Variants in KHNYN observed in about 807,000 individuals in gnomAD.
KHNYN encodes protein KHNYN.
Under a neutral mutation model 62.7 loss-of-function variants are expected in KHNYN, and 42 were observed. That is an observed-to-expected ratio of 0.67 (90% CI 0.52 to 0.87). The LOEUF is 0.87. Among genes scored for constraint, KHNYN ranks in the 40% least tolerant of loss-of-function variants. The probability of loss-of-function intolerance (pLI) is 0.00; values close to 1 mark genes in which losing one functional copy is unlikely to be tolerated. For missense variants in KHNYN, 829 were observed against 874.1 expected, an observed-to-expected ratio of 0.95 and a Z score of 0.65; for synonymous variants, 347 against 345.6, an observed-to-expected ratio of 1.00 and a Z score of -0.04.
Position 24,440,698 on chromosome 14 carries a change from G to A in KHNYN, c.*3413G>A. 2.0e-6 allele frequency: 3 copies of A among 1,516,910 alleles called. No homozygotes were observed. The highest frequency in any genetic ancestry group is 1.8e-6 in the Non-Finnish European group (2 of 1,110,550). The allele number at this position is 1,516,910 out of a possible 1,614,324, so 94.0% of individuals were successfully genotyped here. A position where few individuals can be genotyped will look rare whatever the true frequency, so the allele number is the denominator to read the frequency against. On this transcript the variant is annotated 3_prime_UTR_variant, in exon 8 of 8. Coordinates refer to ENST00000553935, the MANE Select transcript of KHNYN (RefSeq NM_015299.3). ...GGTGGCATCCTCTCACTCTGTAATT[G>A]TAATCTCAGCTCTCCTAATCCCATC...
In KHNYN at chr14:24,439,060, C is replaced by T. The variant is rs1956904; in HGVS notation, c.*1775C>T. 120,536 of 152,258 alleles carry T rather than the reference C, an allele frequency of 0.79. 49,921 individuals are homozygous for T. Among genetic ancestry groups the T allele is most frequent in the Non-Finnish European group, 0.9 (61,534 of 68,114 alleles). 9.4% of individuals were successfully genotyped at this position (152,258 alleles called of 1,614,324 possible). On this transcript the variant is annotated 3_prime_UTR_variant, in exon 8 of 8. Transcript: ENST00000553935. ...TGACAATGATTAAGAGATAACCCAG[C>T]GGTCCCTGAGAAGAGATTGGTTAGT...
At chr14:24,436,948 G>C in intron 7 of KHNYN, 88 bp from the exon 8 acceptor site, 1 of 1,508,768 alleles carries the variant, frequency 6.6e-7, no homozygotes, top group South Asian at 1.3e-5. Flanking sequence ...GCCAGGAATA[G>C]GCAGGACAAT....
At position 24,438,940 on chromosome 14, in the gene KHNYN, G is replaced by A. The variant is rs2043248780; in HGVS notation, c.*1655G>A. ...TGTAATGATGATGGGGAGGGTCCTT[G>A]TGTCCTCACCCCTTCCTTTTTGGTG... On this transcript the variant is annotated 3_prime_UTR_variant, in exon 8 of 8. Transcript: ENST00000553935. 6.6e-6 allele frequency: 1 copy of A among 152,200 alleles called. No individual in the cohort carries two copies. The highest frequency in any genetic ancestry group is 1.5e-5 in the Non-Finnish European group (1 of 68,072). 9.4% of individuals were successfully genotyped at this position (152,200 alleles called of 1,614,324 possible).
chr14:24,424,881 T>G (rs1424844072), upstream of KHNYN, among the ~76,000 whole-genome samples: 1 of 152,230 alleles, frequency 6.6e-6, no homozygotes, highest in African/African-American at 2.4e-5. Flanking sequence ...GTTGGACTTC[T>G]GACCCACAGA....
chr14:24,429,267 G>C, upstream of KHNYN: 1 of 705,192 alleles, frequency 1.4e-6, no homozygotes, highest in Non-Finnish European at 2.5e-6. Context: ...AGAGCATGCA[G>C]TGACAGCAGT....
upstream of KHNYN, chr14:24,427,993 A>G (rs779285675): frequency 1.9e-6 from 3 of 1,611,710 alleles, no homozygotes; most frequent in Non-Finnish European, 2.5e-6. The surrounding 1 kb of genome is among the most constrained non-coding windows in gnomAD (Gnocchi z 4.4). Flanking sequence ...TCACCTGGGG[A>G]GGGGAGCCCA....
chr14:24,429,758 G>A, upstream of KHNYN: 1 of 985,440 alleles, frequency 1.0e-6, no homozygotes, highest in African/African-American at 1.7e-5. Context: ...CGCAGAATGC[G>A]CGAGGACCCT....
upstream of KHNYN, among the ~76,000 whole-genome samples, chr14:24,426,287 C>A (rs1400992694): frequency 2.0e-5 from 3 of 152,136 alleles, no homozygotes; most frequent in African/African-American, 4.8e-5. Context: ...TGCTTTCTGT[C>A]ATCAACAACA....
At chr14:24,428,027 T>A (rs2043039094), upstream of KHNYN, 1 of 1,583,120 alleles carries the variant, frequency 6.3e-7, no homozygotes, top group African/African-American at 1.3e-5. Flanking sequence ...CCCCAGCCCT[T>A]AGCTCAGGAC....
At chr14:24,427,856 C>G, upstream of KHNYN, 2 of 1,614,114 alleles carry the variant, frequency 1.2e-6, no homozygotes, top group Non-Finnish European at 1.7e-6. The surrounding 1 kb of genome is among the most constrained non-coding windows in gnomAD (Gnocchi z 4.4). Context: ...ATTCCCCCGA[C>G]GCAGGCGCAG....
At chr14:24,429,134 C>T (rs989682311), upstream of KHNYN, 15 of 1,408,770 alleles carry the variant, frequency 1.1e-5, no homozygotes, top group African/African-American at 1.0e-4. Flanking sequence ...GGATTCTCAC[C>T]GCCGGCACCC....
At chr14:24,429,478 TTCC>T (rs1317253369), upstream of KHNYN, 2 of 469,262 alleles carry the variant, frequency 4.3e-6, no homozygotes, top group Non-Finnish European at 8.3e-6. Context: ...CCTCAACCCC[TTCC>T]TCCTACTCTT....
upstream of KHNYN, among the ~76,000 whole-genome samples, chr14:24,424,865 C>T (rs1304816729): frequency 6.6e-6 from 1 of 152,172 alleles, no homozygotes; most frequent in South Asian, 2.1e-4. Context: ...AAGCCAGTCA[C>T]GTTTTGTTGG....
At position 24,441,196 on chromosome 14, in the gene KHNYN, G is replaced by A; in HGVS notation, c.*3911G>A. 1.8e-6 allele frequency: 1 copy of A among 541,948 alleles called. No individual in the cohort carries two copies. Among genetic ancestry groups the A allele is most frequent in the Non-Finnish European group, 3.3e-6 (1 of 303,330 alleles). 33.6% of individuals were successfully genotyped at this position (541,948 alleles called of 1,614,324 possible). On this transcript the variant is annotated 3_prime_UTR_variant, in exon 8 of 8. Coordinates refer to ENST00000553935, the MANE Select transcript of KHNYN (RefSeq NM_015299.3). ...GTACCAGGCGCCTGAATTTTAATCA[G>A]CTCCCTCATTTATTAACTCTCTGAC...
chr14:24,430,101 G>A lies in KHNYN; in HGVS notation c.-36G>A, dbSNP rs1408655385. 3.0e-6 allele frequency: 3 copies of A among 985,250 alleles called. No homozygotes were observed. The highest frequency in any genetic ancestry group is 5.2e-4 in the Middle Eastern group (1 of 1,936). 61.0% of individuals were successfully genotyped at this position (985,250 alleles called of 1,614,324 possible). A position where few individuals can be genotyped will look rare whatever the true frequency, so the allele number is the denominator to read the frequency against. ...GCGGGCGCTGAGAGGACCTGAAGCC[G>A]GCGCGGGCGGCGGAGGCGGTAGGCG... On this transcript the variant is annotated 5_prime_UTR_variant, in exon 1 of 8. Transcript: ENST00000553935.
chr14:24,423,309 CT>C, the KHNYN span, among the ~76,000 whole-genome samples: 1 of 152,098 alleles, frequency 6.6e-6, no homozygotes, highest in Non-Finnish European at 1.5e-5. Context: ...AGCTCCTAAA[CT>C]TTAAGAGCTG....
In KHNYN at chr14:24,436,460, C is replaced by G. The variant is rs933478971; in HGVS notation, c.1758C>G (p.Thr586=). ...PDDPLGRNGP[T]LDEFLKKPAR... ...ACCCACTGGGGCGAAACGGCCCCAC[C>G]CTGGATGAATTTCTGAAGAAGCCAG... The change falls in exon 7 of 8, where the codon ACC becomes ACG. Residue 586 remains threonine, a synonymous_variant. Coordinates refer to ENST00000553935, the MANE Select transcript of KHNYN (RefSeq NM_015299.3). The G allele has an allele frequency of 3.7e-6, 6 of 1,613,140 alleles. No homozygotes were observed. Among genetic ancestry groups the G allele is most frequent in the Non-Finnish European group, 4.2e-6 (5 of 1,179,722 alleles).
At chr14:24,426,687 T>TA (rs2043023029), upstream of KHNYN, 1 of 152,178 alleles carries the variant, frequency 6.6e-6, no homozygotes, top group Admixed American at 6.5e-5. Context: ...GTTTTATTGA[T>TA]AGATTCATCC....
At chr14:24,434,250 T>C (rs1186443190) in intron 5 of KHNYN, 5 of 985,310 alleles carry the variant, frequency 5.1e-6, no homozygotes. Flanking sequence ...ATAATATAAA[T>C]TGGGAATTCG....
Sources: allele counts gnomAD v4.1 joint callset (sites outside exome capture counted in the v4.1 genomes callset), GRCh38; gene constraint gnomAD v4.1.1; non-coding constraint Gnocchi (gnomAD v3.1); transcripts MANE v1.5; gene names NCBI Gene and HGNC (gene_info 2026-07-23, HGNC 2026-07-21).